PPP2R2C: variants seen among roughly 807,000 people sequenced by gnomAD.
PPP2R2C encodes the protein protein phosphatase 2, regulatory subunit B, gamma.
PPP2R2C carries 10 observed loss-of-function variants against 45.3 expected under a neutral mutation model. That is an observed-to-expected ratio of 0.22 (90% CI 0.14 to 0.37). The LOEUF is 0.37. Ranked by LOEUF, PPP2R2C falls within the 10% of genes least tolerant of loss-of-function variation. PPP2R2C has a pLI of 1.00. For missense variants in PPP2R2C, 308 were observed against 619.7 expected (o/e 0.50, Z 5.34); for synonymous variants, 257 against 245.4 (o/e 1.05, Z -0.44).
chr4:6,442,240 C>A (rs1024412489), intron 1 of PPP2R2C, among the ~76,000 whole-genome samples: 5 of 152,234 alleles, frequency 3.3e-5, no homozygotes, highest in African/African-American at 1.2e-4. Context: ...CAGCTCCCCA[C>A]TATCTGCACC....
At chr4:6,516,331 T>C (rs920816243) in intron 2 of PPP2R2C, among the ~76,000 whole-genome samples, 9 of 152,226 alleles carry the variant, frequency 5.9e-5, no homozygotes, top group Admixed American at 3.3e-4. Flanking sequence ...AAGAGGATGA[T>C]GACAAGGACT....
At chr4:6,556,013 A>G (rs1489964237) in intron 1 of PPP2R2C, among the ~76,000 whole-genome samples, 1 of 152,084 alleles carries the variant, frequency 6.6e-6, no homozygotes, top group Non-Finnish European at 1.5e-5. Flanking sequence ...GGGTGGCTGG[A>G]AAGAGTCTGC....
chr4:6,370,177 C>G (rs942526404), intron 5 of PPP2R2C, among the ~76,000 whole-genome samples: 4 of 152,204 alleles, frequency 2.6e-5, no homozygotes, highest in Non-Finnish European at 5.9e-5. Context: ...AGCCCTGGAC[C>G]AGGCATGGAG....
At chr4:6,418,559 G>C (rs1718751118) in intron 1 of PPP2R2C, among the ~76,000 whole-genome samples, 1 of 152,224 alleles carries the variant, frequency 6.6e-6, no homozygotes, top group South Asian at 2.1e-4. Context: ...CTAGGGTAGG[G>C]TGGGATCAAA....
At chr4:6,344,761 G>A (rs1711676802) in intron 6 of PPP2R2C, among the ~76,000 whole-genome samples, 1 of 152,102 alleles carries the variant, frequency 6.6e-6, no homozygotes, top group African/African-American at 2.4e-5. Context: ...TTTTCTGGTG[G>A]TCATAGCCTT....
intron 4 of PPP2R2C, among the ~76,000 whole-genome samples, chr4:6,374,973 T>C (rs1282834515): frequency 6.6e-6 from 1 of 152,100 alleles, no homozygotes; most frequent in Non-Finnish European, 1.5e-5. Context: ...TTGGGATGTG[T>C]GTGACTTACA....
At chr4:6,490,109 T>G (rs1722650789) in intron 2 of PPP2R2C, among the ~76,000 whole-genome samples, 1 of 152,136 alleles carries the variant, frequency 6.6e-6, no homozygotes, top group African/African-American at 2.4e-5. Context: ...CATCCGTCCC[T>G]CCCACCAGCT....
chr4:6,452,023 C>T (rs1001308117), intron 1 of PPP2R2C, among the ~76,000 whole-genome samples: 4 of 152,166 alleles, frequency 2.6e-5, no homozygotes, highest in African/African-American at 9.7e-5. Context: ...CATTATGCTT[C>T]CAACTTCTCC....
chr4:6,351,047 G>A lies in PPP2R2C; in HGVS notation c.626-3037C>T, dbSNP rs543355626. On this transcript the variant is annotated intron_variant, in intron 5 of 8. Coordinates refer to ENST00000382599, the MANE Select transcript of PPP2R2C (RefSeq NM_020416.4). ...AGGCCAGGCACCAGAGCTCACACCT[G>A]TAATCCCAGCACTTTGGGAGGTCAA... The A allele has an allele frequency of 1.6e-4, 153 of 984,084 alleles. 1 individual carries two copies. The highest frequency in any genetic ancestry group is 1.0e-3 in the Middle Eastern group (2 of 1,912). 61.0% of individuals were successfully genotyped at this position (984,084 alleles called of 1,614,324 possible).
chr4:6,545,037 T>C (rs1215318930), intron 1 of PPP2R2C, among the ~76,000 whole-genome samples: 1 of 152,188 alleles, frequency 6.6e-6, no homozygotes, highest in Non-Finnish European at 1.5e-5. Flanking sequence ...TTCCAGTGCC[T>C]GCTGCCTAAT....
At chr4:6,338,699 G>C (rs1038501472) in intron 6 of PPP2R2C, among the ~76,000 whole-genome samples, 1 of 152,056 alleles carries the variant, frequency 6.6e-6, no homozygotes, top group Non-Finnish European at 1.5e-5. Flanking sequence ...CCCCTCTGCC[G>C]CACACTCCAG....
chr4:6,413,032 C>T (rs1321608619), intron 1 of PPP2R2C, among the ~76,000 whole-genome samples: 4 of 152,214 alleles, frequency 2.6e-5, no homozygotes, highest in Non-Finnish European at 5.9e-5. Flanking sequence ...TTTGTTATGG[C>T]AGCACCAACA....
chr4:6,334,833 G>T (rs2109179585), intron 6 of PPP2R2C, among the ~76,000 whole-genome samples: 1 of 152,346 alleles, frequency 6.6e-6, no homozygotes, highest in East Asian at 1.9e-4. Flanking sequence ...GGGAAGCAGA[G>T]CTGATCACAG....
chr4:6,356,692 G>T (rs79881254), intron 5 of PPP2R2C, among the ~76,000 whole-genome samples: 1 of 152,382 alleles, frequency 6.6e-6, no homozygotes, highest in East Asian at 1.9e-4. Context: ...CTGTAGGTGA[G>T]CTGCTGAGAA....
intron 2 of PPP2R2C, among the ~76,000 whole-genome samples, chr4:6,510,980 C>CAACAAAAAAAAA (rs1553905389): frequency 2.4e-5 from 1 of 41,384 alleles, no homozygotes; most frequent in Non-Finnish European, 9.7e-5. Flanking sequence ...CCGTCTCAAA[C>CAACAAAAAAAAA]AAAAAAAAAC....
chr4:6,435,663 C>T (rs1719856443), intron 1 of PPP2R2C, among the ~76,000 whole-genome samples: 1 of 152,200 alleles, frequency 6.6e-6, no homozygotes. Flanking sequence ...AAAGAGTAAT[C>T]TAGTTCTTAG....
At position 6,453,361 on chromosome 4, in the gene PPP2R2C, C is replaced by T. The variant is rs143631461; in HGVS notation, c.70+18799G>A. On this transcript the variant is annotated intron_variant, in intron 1 of 8. Coordinates refer to ENST00000382599, the MANE Select transcript of PPP2R2C (RefSeq NM_020416.4). Reference sequence around the variant, plus strand: ...CAGATCCCCAAAGAGGAAGGAGCGGCGTCAGGACTTGCAGGAAGTATCCAT... The same window carrying T: ...CAGATCCCCAAAGAGGAAGGAGCGGTGTCAGGACTTGCAGGAAGTATCCAT... 3.3e-3 allele frequency among the ~76,000 whole-genome samples: 505 copies of T among 152,264 alleles called. 5 individuals carry two copies. The highest frequency in any genetic ancestry group is 5.5e-3 in the Non-Finnish European group (376 of 68,004).
At chr4:6,455,700 C>G (rs1397287059) in intron 1 of PPP2R2C, among the ~76,000 whole-genome samples, 1 of 152,144 alleles carries the variant, frequency 6.6e-6, no homozygotes, top group Admixed American at 6.5e-5. Context: ...AGTTCCCTCT[C>G]CCTCCCCTGC....
At position 6,372,683 on chromosome 4, in the gene PPP2R2C, G is replaced by A. The variant is rs1411183988; in HGVS notation, c.465C>T (p.Pro155=). 6.2e-7 allele frequency: 1 copy of A among 1,613,980 alleles called. No homozygotes were observed. The highest frequency in any genetic ancestry group is 8.5e-7 in the Non-Finnish European group (1 of 1,179,964). Residue 155 remains proline (P), a synonymous_variant, in exon 5 of 9, where the codon CCC becomes CCT. Transcript: ENST00000382599. ...GGCTCACCTCCACCATCAGATCCATGGGCTTCAGCACTGGCACCTGCAGAG... is the reference window on the plus strand; with the variant it reads ...GGCTCACCTCCACCATCAGATCCATAGGCTTCAGCACTGGCACCTGCAGAG... ...VTSLQVPVLK[P]MDLMVEVSPR...
Sources: gnomAD v4.1 joint callset for allele counts (sites outside exome capture counted in the v4.1 genomes callset) on GRCh38, gnomAD v4.1.1 for gene constraint, MANE v1.5 for transcripts, NCBI Gene and HGNC (gene_info 2026-07-23, HGNC 2026-07-21) for gene names.